Variants in JAK1 observed in about 807,000 individuals in gnomAD.
JAK1 encodes the protein Janus kinase 1, also known as tyrosine-protein kinase JAK1.
Under a neutral mutation model 136.6 loss-of-function variants are expected in JAK1, and 16 were observed. The ratio of observed to expected loss-of-function variants is 0.12; its 90% CI spans 0.08 to 0.18. The LOEUF is 0.18. Ranked by LOEUF, JAK1 falls within the 10% of genes least tolerant of loss-of-function variation. The pLI is 1.00. For missense variants in JAK1, 859 were observed against 1,450.1 expected (o/e 0.59, Z 6.62); for synonymous variants, 492 against 519.5 (o/e 0.95, Z 0.72).
At position 64,841,272 on chromosome 1, in the gene JAK1, G is replaced by A. The variant is rs1654884522; in HGVS notation, c.2622C>T (p.Phe874=). The A allele has an allele frequency of 6.2e-7, 1 of 1,614,058 alleles. No individual in the cohort carries two copies. The change falls in exon 19 of 25, where the codon TTC becomes TTT. Residue 874 remains phenylalanine, a synonymous_variant. Transcript: ENST00000342505. The stretch of plus-strand genomic sequence containing the variant: ...CTCCCAAGTCACGGATCCTCTTTAG[G>A]AAGCGCTTTTCAAAATGTGTGGGGT... ...EVDPTHFEKR[F]LKRIRDLGEG... is the part of the protein sequence containing the mutation.
chr1:64,982,017 C>T (rs1181657628), intron 2 of JAK1, among the ~76,000 whole-genome samples: 3 of 152,018 alleles, frequency 2.0e-5, no homozygotes, highest in Admixed American at 1.3e-4. Flanking sequence ...TTCACCTTTC[C>T]GAGCTTCCAG....
chr1:64,926,274 T>C (rs1645580339), intron 1 of JAK1, among the ~76,000 whole-genome samples: 1 of 152,094 alleles, frequency 6.6e-6, no homozygotes, highest in African/African-American at 2.4e-5. Context: ...ACTAGATCTT[T>C]GCTCACCTGA....
intron 2 of JAK1, among the ~76,000 whole-genome samples, chr1:64,999,521 T>C (rs544391437): frequency 2.9e-4 from 44 of 152,268 alleles, no homozygotes; most frequent in African/African-American, 9.9e-4. Context: ...GAGGATGGCT[T>C]GAGCCCAGGA....
At chr1:64,932,772 G>A (rs1645721264) in intron 1 of JAK1, among the ~76,000 whole-genome samples, 1 of 151,682 alleles carries the variant, frequency 6.6e-6, no homozygotes, top group African/African-American at 2.4e-5. Context: ...TAATTGAGAG[G>A]GCACTAGACA....
chr1:64,957,318 G>GC (rs1218636061), intron 1 of JAK1, among the ~76,000 whole-genome samples: 3 of 152,048 alleles, frequency 2.0e-5, no homozygotes, highest in Admixed American at 6.5e-5. Flanking sequence ...GCATTATAAG[G>GC]CCCAAAAGTA....
Position 64,860,194 on chromosome 1 carries a change from G to A in JAK1, c.1245C>T (p.Leu415=), listed in dbSNP as rs551453441. 57 of 1,611,966 alleles carry A rather than the reference G, an allele frequency of 3.5e-5. No individual in the cohort carries two copies. In the South Asian group the frequency reaches 5.6e-4, roughly 16 times the overall value. The change falls in exon 9 of 25, where the codon CTC becomes CTT. Residue 415 remains leucine, a synonymous_variant. Transcript: ENST00000342505. ...FVSLVDGYFR[L]TADAHHYLCT... ...AGAGGTAATGATGGGCATCTGCTGT[G>A]AGCCGGAAGTAGCCATCTACCAGGG...
chr1:64,937,893 T>C (rs1384972461), intron 1 of JAK1, among the ~76,000 whole-genome samples: 3 of 152,104 alleles, frequency 2.0e-5, no homozygotes, highest in Non-Finnish European at 4.4e-5. Flanking sequence ...TCTTCTTTTT[T>C]TTTTGAGAGG....
intron 1 of JAK1, among the ~76,000 whole-genome samples, chr1:64,965,541 T>C (rs1234315833): frequency 4.6e-5 from 7 of 152,148 alleles, no homozygotes; most frequent in Admixed American, 4.6e-4. Flanking sequence ...GAGTGTCTAT[T>C]AGTCCTCCGA....
At position 64,844,165 on chromosome 1, in the gene JAK1, T is replaced by C. The variant is rs1655082208; in HGVS notation, c.2302A>G (p.Lys768Glu). The C allele has an allele frequency of 9.9e-6, 16 of 1,614,130 alleles. No homozygotes were observed. The highest frequency in any genetic ancestry group is 1.3e-5 in the Non-Finnish European group (15 of 1,180,048). The change falls in exon 17 of 25, where the codon AAG becomes GAG. Residue 768 changes from lysine to glutamate, a missense_variant. Lys to Glu is a moderately conservative substitution (Grantham distance 56). This residue lies in a region of JAK1 where 409 missense variants were observed against 753.8 expected (regional missense o/e 0.54). Coordinates refer to ENST00000342505, the MANE Select transcript of JAK1 (RefSeq NM_002227.4). This position sits in a 1 kb window ranked among gnomAD's most constrained non-coding sequence, Gnocchi z 5.7. The stretch of plus-strand genomic sequence containing the variant: ...TTGTCAGCAGCCACACTCAGGTTCT[T>C]GGAGTCCTCAACACACTCAGGAGCA... ...WIAPECVEDSKNLSVAADKWS... is the reference protein window; with the variant it reads ...WIAPECVEDSENLSVAADKWS...
chr1:64,966,727 A>G (rs1569776437), upstream of JAK1, among the ~76,000 whole-genome samples: 1 of 137,884 alleles, frequency 7.3e-6, no homozygotes, highest in African/African-American at 2.7e-5. Flanking sequence ...TTCGCTCGCG[A>G]AGCTGCCCCC....
intron 19 of JAK1, among the ~76,000 whole-genome samples, chr1:64,840,134 A>C (rs1570610062): frequency 1.3e-5 from 2 of 152,344 alleles, no homozygotes; most frequent in Admixed American, 1.3e-4. Flanking sequence ...CTCACGTTAC[A>C]GGACAGGCCC....
intron 9 of JAK1, among the ~76,000 whole-genome samples, chr1:64,858,256 C>T (rs1045644447): frequency 6.6e-6 from 1 of 152,188 alleles, no homozygotes; most frequent in Non-Finnish European, 1.5e-5. Context: ...TTAGTAGGAA[C>T]AGGCCTGTCT....
At chr1:64,902,159 G>GA (rs1645115724) in intron 1 of JAK1, among the ~76,000 whole-genome samples, 1 of 152,110 alleles carries the variant, frequency 6.6e-6, no homozygotes. Context: ...CTCAAATGAG[G>GA]AAACTGAGGC....
intron 1 of JAK1, among the ~76,000 whole-genome samples, chr1:65,067,008 G>A (rs1648081707): frequency 6.6e-6 from 1 of 152,112 alleles, no homozygotes; most frequent in African/African-American, 2.4e-5. Flanking sequence ...CCCAGCGAGG[G>A]CCGCGCAAAA....
intron 1 of JAK1, among the ~76,000 whole-genome samples, chr1:64,954,292 T>C (rs1284486081): frequency 1.3e-5 from 2 of 152,216 alleles, no homozygotes; most frequent in African/African-American, 4.8e-5. Flanking sequence ...GATCCAAGTC[T>C]CTGGCTATTA....
intron 1 of JAK1, among the ~76,000 whole-genome samples, chr1:64,903,937 T>C (rs967585132): frequency 3.9e-5 from 6 of 152,210 alleles, no homozygotes; most frequent in Non-Finnish European, 8.8e-5. Context: ...TTAGGAAAGT[T>C]AATGACTTGA....
intron 6 of JAK1, 119 bp downstream of exon 6, chr1:64,869,192 G>C (rs1656913758): frequency 3.7e-6 from 3 of 809,338 alleles, no homozygotes; most frequent in Non-Finnish European, 6.1e-6. Context: ...AGGAAGATCT[G>C]GGTTTCATAG....
At chr1:64,892,869 G>A (rs1644960621) in intron 1 of JAK1, among the ~76,000 whole-genome samples, 1 of 152,076 alleles carries the variant, frequency 6.6e-6, no homozygotes, top group African/African-American at 2.4e-5. Context: ...GGGACTTCAG[G>A]GGAATCCAAA....
At chr1:65,020,812 G>T (rs1646931529) in intron 2 of JAK1, among the ~76,000 whole-genome samples, 1 of 152,144 alleles carries the variant, frequency 6.6e-6, no homozygotes, top group East Asian at 1.9e-4. Context: ...ACAAAGGTGT[G>T]GGCAGGGTTT....
Sources: allele counts gnomAD v4.1 joint callset (sites outside exome capture counted in the v4.1 genomes callset), GRCh38; gene constraint gnomAD v4.1.1; regional missense constraint gnomAD v4.1.1; non-coding constraint Gnocchi (gnomAD v3.1); transcripts MANE v1.5; gene names NCBI Gene and HGNC (gene_info 2026-07-23, HGNC 2026-07-21).